The following ZNF831 variants were observed in gnomAD, a reference collection of about 807,000 sequenced individuals.
ZNF831 encodes the protein chromosome 20 open reading frame 174.
In ZNF831, 59 loss-of-function variants were observed where a neutral mutation model predicts 95.8. That is an observed-to-expected ratio of 0.62 (90% CI 0.50 to 0.77). The LOEUF is 0.77. ZNF831 is among the 30% of genes least tolerant of loss of function. The pLI is 0.00. For missense variants in ZNF831, 2,205 were observed against 2,164.0 expected, an observed-to-expected ratio of 1.02 and a Z score of -0.38; for synonymous variants, 961 against 925.5, an observed-to-expected ratio of 1.04 and a Z score of -0.70.
chr20:59,215,106 C>T lies in ZNF831; in HGVS notation c.4027+8050C>T, dbSNP rs78742703. 6.5e-3 allele frequency among the ~76,000 whole-genome samples: 996 copies of T among 152,300 alleles called. 7 individuals carry two copies. Among genetic ancestry groups the T allele is most frequent in the African/African-American group, 0.022 (926 of 41,562 alleles). On this transcript the variant is annotated intron_variant, in intron 4 of 5. Coordinates refer to ENST00000371030, the MANE Select transcript of ZNF831 (RefSeq NM_178457.3). ...TTAACTGAGACCTGTTCTATTTACT[C>T]GAATGCTTGGGTACATTAAAACATT...
At chr20:59,198,710 G>A (rs767708977) in intron 3 of ZNF831, among the ~76,000 whole-genome samples, 17 of 152,354 alleles carry the variant, frequency 1.1e-4, no homozygotes, top group African/African-American at 4.1e-4. Flanking sequence ...TGGGTCAAAT[G>A]AGGAGGAAGC....
At position 59,258,875 on chromosome 20, in the gene ZNF831, T is replaced by A. The variant is rs1225988728; in HGVS notation, c.*4132T>A. Reference sequence around the variant, plus strand: ...TTGGTCTGAAGAAGTATAGGAACAGTTGAGCACATTACTTCACCACTGGAA... The same window carrying A: ...TTGGTCTGAAGAAGTATAGGAACAGATGAGCACATTACTTCACCACTGGAA... On this transcript the variant is annotated 3_prime_UTR_variant, in exon 6 of 6. Coordinates refer to ENST00000371030, the MANE Select transcript of ZNF831 (RefSeq NM_178457.3). The A allele has an allele frequency of 1.3e-5, 2 of 152,182 alleles. No homozygotes were observed. Among genetic ancestry groups the A allele is most frequent in the Admixed American group, 6.5e-5 (1 of 15,280 alleles). 9.4% of individuals were successfully genotyped at this position (152,182 alleles called of 1,614,324 possible).
chr20:59,151,977 G>A (rs1195129311), intron 2 of ZNF831, among the ~76,000 whole-genome samples: 5 of 152,320 alleles, frequency 3.3e-5, no homozygotes, highest in African/African-American at 1.2e-4. Context: ...GTCTTTGCCA[G>A]TCTCTGGCTG....
intron 4 of ZNF831, among the ~76,000 whole-genome samples, chr20:59,222,492 CT>C (rs916962743): frequency 2.6e-3 from 385 of 145,506 alleles, no homozygotes; most frequent in South Asian, 6.1e-3. Flanking sequence ...TTCTCTCTCT[CT>C]TTTTTTTTTT....
At chr20:59,201,519 T>A (rs1173628402) in intron 3 of ZNF831, among the ~76,000 whole-genome samples, 1 of 152,234 alleles carries the variant, frequency 6.6e-6, no homozygotes, top group Non-Finnish European at 1.5e-5. Flanking sequence ...ATGTTTTTAG[T>A]GTCATAGTTT....
rs573648946 is a variant in ZNF831 at position 59,208,146 on chromosome 20, T to C, written c.4027+1090T>C. ...AAGGAAGGTCAAGGGTCAAGCCCCA[T>C]GTGGGAGAGGCTGGGATGCAGGGGG... On this transcript the variant is annotated intron_variant, in intron 4 of 5. Transcript: ENST00000371030. The surrounding 1 kb of genome is among the most constrained non-coding windows in gnomAD (Gnocchi z 4.2). Among the ~76,000 whole-genome samples the C allele has an allele frequency of 6.6e-6, 1 of 152,222 alleles. No homozygotes were observed. Among genetic ancestry groups the C allele is most frequent in the Admixed American group, 6.5e-5 (1 of 15,284 alleles).
chr20:59,190,782 C>T (rs1156862503), intron 1 of ZNF831, among the ~76,000 whole-genome samples: 3 of 152,226 alleles, frequency 2.0e-5, no homozygotes, highest in African/African-American at 7.2e-5. Context: ...TGTCAGCTTG[C>T]ATGACAAGTT....
intron 1 of ZNF831, among the ~76,000 whole-genome samples, chr20:59,139,929 G>A (rs1230391120): frequency 6.6e-6 from 1 of 152,086 alleles, no homozygotes; most frequent in Non-Finnish European, 1.5e-5. Flanking sequence ...GTAGTTTGAG[G>A]AATAACAACC....
rs1985411592 is a variant in ZNF831, at chr20:59,212,511, C to CA, written c.4027+5456dup. 2.6e-5 allele frequency among the ~76,000 whole-genome samples: 4 copies of CA among 152,326 alleles called. No homozygotes were observed. In the South Asian group the frequency reaches 8.3e-4, roughly 32 times the overall value. On this transcript the variant is annotated intron_variant, in intron 4 of 5. Transcript: ENST00000371030. The stretch of plus-strand genomic sequence containing the variant: ...ACTAAGGTGTATTTCCCAGGCACCC[C>CA]AGGCTGAGTGTGACTAAGAATGGAC...
chr20:59,146,633 G>A (rs1037162748), intron 2 of ZNF831: 2 of 152,156 alleles, frequency 1.3e-5, no homozygotes, highest in African/African-American at 2.4e-5. Flanking sequence ...CTCAGATGTG[G>A]ATGAAGGTGC....
chr20:59,229,471 C>T lies in ZNF831; in HGVS notation c.4027+22415C>T, dbSNP rs554784154. The stretch of plus-strand genomic sequence containing the variant: ...CCTCCTGATGGTCCTGATGGGAGAC[C>T]CTGAAAATCACATTGCATAGGGCAT... On this transcript the variant is annotated intron_variant, in intron 4 of 5. Coordinates refer to ENST00000371030, the MANE Select transcript of ZNF831 (RefSeq NM_178457.3). Among the ~76,000 whole-genome samples the T allele has an allele frequency of 6.0e-4, 91 of 152,112 alleles. 1 individual carries two copies. Among genetic ancestry groups the T allele is most frequent in the African/African-American group, 2.1e-3 (88 of 41,486 alleles).
chr20:59,129,952 A>G (rs1009640753), intron 1 of ZNF831, among the ~76,000 whole-genome samples: 9 of 152,144 alleles, frequency 5.9e-5, no homozygotes, highest in African/African-American at 2.2e-4. Context: ...TTATCCTATT[A>G]ACTAGACTCA....
In ZNF831 at chr20:59,208,051, A is replaced by T. The variant is rs1985026433; in HGVS notation, c.4027+995A>T. Among the ~76,000 whole-genome samples the T allele has an allele frequency of 6.6e-6, 1 of 152,190 alleles. No individual in the cohort carries two copies. Among genetic ancestry groups the T allele is most frequent in the Non-Finnish European group, 1.5e-5 (1 of 68,028 alleles). On this transcript the variant is annotated intron_variant, in intron 4 of 5. Transcript: ENST00000371030. This position sits in a 1 kb window ranked among gnomAD's most constrained non-coding sequence, Gnocchi z 4.2. Reference sequence around the variant, plus strand: ...TGGAGTAGTCTTGTTTCCCAGAGAGAATTTAAATCCAGGCAAGAATTCATC... The same window carrying T: ...TGGAGTAGTCTTGTTTCCCAGAGAGTATTTAAATCCAGGCAAGAATTCATC...
intron 1 of ZNF831, 112 bp from the exon 2 acceptor site, chr20:59,190,872 G>C (rs563822709): frequency 2.2e-6 from 2 of 922,540 alleles, no homozygotes; most frequent in South Asian, 2.9e-5. Context: ...CATTCCTTAG[G>C]GGATTGTCAG....
At chr20:59,125,250 C>T (rs577871949) in intron 1 of ZNF831, among the ~76,000 whole-genome samples, 5 of 152,226 alleles carry the variant, frequency 3.3e-5, no homozygotes, top group Admixed American at 2.0e-4. Context: ...CTTGCGCACT[C>T]GCCATCCCTG....
At chr20:59,188,894 A>G (rs567310585) in intron 1 of ZNF831, among the ~76,000 whole-genome samples, 56 of 152,254 alleles carry the variant, frequency 3.7e-4, no homozygotes, top group African/African-American at 1.3e-3. Flanking sequence ...TTTAAAATCC[A>G]TTGCAGCCGG....
chr20:59,205,773 A>G (rs1984851263), intron 3 of ZNF831, among the ~76,000 whole-genome samples: 1 of 152,252 alleles, frequency 6.6e-6, no homozygotes, highest in Non-Finnish European at 1.5e-5. Flanking sequence ...CAGTGCAAAG[A>G]TCTTCTAAAA....
At chr20:59,135,798 G>A (rs984058546) in intron 1 of ZNF831, among the ~76,000 whole-genome samples, 1 of 152,182 alleles carries the variant, frequency 6.6e-6, no homozygotes, top group Admixed American at 6.5e-5. Flanking sequence ...TTAGGTTGGT[G>A]CAAAAGTAAT....
chr20:59,205,217 T>G (rs1421498922), intron 3 of ZNF831, among the ~76,000 whole-genome samples: 2 of 152,320 alleles, frequency 1.3e-5, no homozygotes, highest in East Asian at 3.9e-4. Flanking sequence ...ATTCTCTCCA[T>G]GTGCCACCCC....
Sources: allele counts gnomAD v4.1 joint callset (sites outside exome capture counted in the v4.1 genomes callset), GRCh38; gene constraint gnomAD v4.1.1; non-coding constraint Gnocchi (gnomAD v3.1); transcripts MANE v1.5; gene names NCBI Gene and HGNC (gene_info 2026-07-23, HGNC 2026-07-21).